The following SEC23A variants were observed in gnomAD, a reference collection of about 807,000 sequenced individuals.
SEC23A encodes the protein protein transport protein Sec23A.
SEC23A carries 56 observed loss-of-function variants against 103.7 expected under a neutral mutation model. The ratio of observed to expected loss-of-function variants is 0.54; its 90% confidence interval spans 0.44 to 0.67. The LOEUF (loss-of-function observed/expected upper bound fraction) is 0.67, where lower values mean the gene tolerates loss of function less well. Ranked by LOEUF, SEC23A falls within the 30% of genes least tolerant of loss-of-function variation. The pLI is 0.00. For missense variants in SEC23A, 784 were observed against 936.4 expected, an observed-to-expected ratio of 0.84 and a Z score of 2.12; for synonymous variants, 281 against 293.0, an observed-to-expected ratio of 0.96 and a Z score of 0.42.
chr14:39,036,577 CCTTT>C (rs921017969), intron 19 of SEC23A, among the ~76,000 whole-genome samples: 3 of 151,998 alleles, frequency 2.0e-5, no homozygotes, highest in Non-Finnish European at 4.4e-5. Context: ...CACCTAAAAA[CCTTT>C]CTGTCTTCAC....
rs1885792946 is a variant in SEC23A, at chr14:39,045,328, T to C, written c.1738-4A>G. 1 of 1,598,926 alleles carries C rather than the reference T, an allele frequency of 6.3e-7. No homozygotes were observed. On this transcript the variant is annotated splice_region_variant and splice_polypyrimidine_tract_variant and intron_variant, in intron 15 of 19. Transcript: ENST00000307712. ...ATCTTCTTAAATGAAACATAAACTGTAAGATAAACACGTAAGATAGTTGTT... is the reference window on the plus strand; with the variant it reads ...ATCTTCTTAAATGAAACATAAACTGCAAGATAAACACGTAAGATAGTTGTT...
chr14:39,102,553 C>T (rs1334836577), intron 1 of SEC23A, among the ~76,000 whole-genome samples: 2 of 152,256 alleles, frequency 1.3e-5, no homozygotes, highest in Admixed American at 6.5e-5. Flanking sequence ...GAAAACTGAA[C>T]TCTTTGTAAT....
intron 6 of SEC23A, 121 bp downstream of exon 6, chr14:39,086,808 A>T (rs993771999): frequency 1.5e-6 from 1 of 682,594 alleles, no homozygotes; most frequent in Non-Finnish European, 2.7e-6. Flanking sequence ...ATGTTAATAC[A>T]ATTTACTTAT....
intron 5 of SEC23A, 50 bp from the exon 6 acceptor site, chr14:39,087,058 T>C (rs765600292): frequency 1.9e-6 from 2 of 1,053,234 alleles, no homozygotes; most frequent in Non-Finnish European, 3.0e-6. Flanking sequence ...TTTACAAAGA[T>C]TTATCAACTA....
At chr14:39,040,641 G>A in intron 18 of SEC23A, 91 bp downstream of exon 18, 3 of 1,495,314 alleles carry the variant, frequency 2.0e-6, no homozygotes, top group South Asian at 2.3e-5. Flanking sequence ...TCTGCTTTAT[G>A]AAGCAATCTA....
chr14:39,090,256 A>C (rs932865458), intron 5 of SEC23A, among the ~76,000 whole-genome samples: 1 of 152,146 alleles, frequency 6.6e-6, no homozygotes, highest in Non-Finnish European at 1.5e-5. Flanking sequence ...AATGTTCTCA[A>C]CTAGGAGTTG....
At chr14:39,079,561 T>C (rs1887146195) in intron 7 of SEC23A, among the ~76,000 whole-genome samples, 1 of 152,168 alleles carries the variant, frequency 6.6e-6, no homozygotes, top group African/African-American at 2.4e-5. Flanking sequence ...GGCTCACACC[T>C]GTAATCCCAG....
intron 7 of SEC23A, among the ~76,000 whole-genome samples, chr14:39,078,901 G>A (rs2139260980): frequency 6.6e-6 from 1 of 151,894 alleles, no homozygotes; most frequent in South Asian, 2.1e-4. Context: ...TTAAGCTGAA[G>A]AATGACAATA....
chr14:39,059,300 A>AAC (rs1886381835), intron 13 of SEC23A, among the ~76,000 whole-genome samples: 49 of 100,886 alleles, frequency 4.9e-4, no homozygotes, highest in Admixed American at 3.2e-3. Flanking sequence ...AAAAAAAAAA[A>AAC]AAAAAAAAAA....
At chr14:39,065,940 G>C (rs919920838) in intron 10 of SEC23A, among the ~76,000 whole-genome samples, 1 of 135,966 alleles carries the variant, frequency 7.4e-6, no homozygotes, top group African/African-American at 2.8e-5. Context: ...AGAGGTTATA[G>C]TGAGCTGAGA....
At chr14:39,064,692 C>T in intron 11 of SEC23A, 1 of 546,198 alleles carries the variant, frequency 1.8e-6, no homozygotes, top group East Asian at 3.2e-5. Flanking sequence ...AGGCTGCCAC[C>T]CCAAGTTTTT....
Position 39,076,031 on chromosome 14 carries a change from C to T in SEC23A, c.891G>A (p.Gly297=), listed in dbSNP as rs752372967. ...ACTCATCTCCAACCACCATTCCAGG[C>T]CCCTGAGTAGCAGGACCACCAATGA... is the stretch of plus-strand genomic sequence containing the variant. ...MMFIGGPATQ[G]PGMVVGDELK... is the part of the protein sequence containing the mutation. Residue 297 remains glycine, a synonymous_variant, in exon 8 of 20, where the codon GGG becomes GGA. Transcript: ENST00000307712. 8 of 1,613,674 alleles carry T rather than the reference C, an allele frequency of 5.0e-6. No homozygotes were observed. The highest frequency in any genetic ancestry group is 1.7e-4 in the Middle Eastern group (1 of 6,060).
At chr14:39,051,265 G>A (rs1374088678) in intron 14 of SEC23A, among the ~76,000 whole-genome samples, 1 of 152,080 alleles carries the variant, frequency 6.6e-6, no homozygotes, top group Non-Finnish European at 1.5e-5. Context: ...AGCCAAATTG[G>A]TGCTGGCACC....
chr14:39,043,719 G>T (rs76166774), intron 16 of SEC23A, among the ~76,000 whole-genome samples: 2,123 of 152,274 alleles, frequency 0.014, 59 homozygotes, highest in African/African-American at 0.048. Context: ...AACGGTGAGT[G>T]AGTAAGAGGA....
At chr14:39,061,120 T>A (rs1024195008) in intron 13 of SEC23A, among the ~76,000 whole-genome samples, 2 of 152,220 alleles carry the variant, frequency 1.3e-5, no homozygotes, top group African/African-American at 4.8e-5. Flanking sequence ...AAATCACTTT[T>A]TAAAATTTCA....
At chr14:39,081,952 T>G (rs1441716978) in intron 7 of SEC23A, among the ~76,000 whole-genome samples, 2 of 152,146 alleles carry the variant, frequency 1.3e-5, no homozygotes, top group African/African-American at 2.4e-5. Flanking sequence ...ATTATCTTCT[T>G]GGTAGAACCA....
At chr14:39,058,152 T>C (rs1413706427) in intron 13 of SEC23A, among the ~76,000 whole-genome samples, 1 of 152,172 alleles carries the variant, frequency 6.6e-6, no homozygotes, top group African/African-American at 2.4e-5. Context: ...ATATTTCAGA[T>C]ATAGTGACTG....
At chr14:39,039,639 A>G (rs1389330905) in intron 18 of SEC23A, 1 of 153,312 alleles carries the variant, frequency 6.5e-6, no homozygotes, top group African/African-American at 2.4e-5. Context: ...TGAAAGAACC[A>G]GTAAGATTTT....
chr14:39,090,456 A>G (rs1887619607), intron 5 of SEC23A, among the ~76,000 whole-genome samples: 1 of 152,164 alleles, frequency 6.6e-6, no homozygotes, highest in African/African-American at 2.4e-5. Flanking sequence ...TATGCTACAC[A>G]TAACTCCTTT....
Sources: gnomAD v4.1 joint callset for allele counts (sites outside exome capture counted in the v4.1 genomes callset) on GRCh38, gnomAD v4.1.1 for gene constraint, MANE v1.5 for transcripts, NCBI Gene and HGNC (gene_info 2026-07-23, HGNC 2026-07-21) for gene names.